Variants in OVCH1 observed in about 807,000 individuals in gnomAD.
The protein encoded by OVCH1 is ovochymase-1.
Under a neutral mutation model 138.4 loss-of-function variants are expected in OVCH1, and 139 were observed. The observed-to-expected ratio is 1.00, with a 90% CI of 0.87 to 1.16. The LOEUF is 1.16. OVCH1 is among the 50% of genes most tolerant of loss of function. The pLI is 0.00. For synonymous variants in OVCH1, 453 were observed against 467.8 expected (o/e 0.97, Z 0.41); for missense variants, 1,367 against 1,357.9 (o/e 1.01, Z -0.11).
intron 16 of OVCH1, among the ~76,000 whole-genome samples, chr12:29,466,574 G>C (rs1942328342): frequency 6.6e-6 from 1 of 152,158 alleles, no homozygotes; most frequent in Non-Finnish European, 1.5e-5. Context: ...TTAGAAATCA[G>C]AATGCTGATT....
exon 16 of OVCH1, chr12:29,471,815 G>A (rs755000892): frequency 3.1e-6 from 5 of 1,610,534 alleles, no homozygotes; most frequent in Non-Finnish European, 4.2e-6. Flanking sequence ...TGCACACAGT[G>A]GGCTGCGGTC....
chr12:29,484,739 G>C (rs1388690068), intron 8 of OVCH1, among the ~76,000 whole-genome samples: 1 of 152,174 alleles, frequency 6.6e-6, no homozygotes, highest in Non-Finnish European at 1.5e-5. Context: ...AGTCTCCTTT[G>C]GAATGGGGGT....
At chr12:29,404,252 C>T in the OVCH1 span, among the ~76,000 whole-genome samples, 1 of 152,344 alleles carries the variant, frequency 6.6e-6, no homozygotes, top group East Asian at 1.9e-4. Flanking sequence ...AGTGGGATGG[C>T]AGTGACTGCT....
intron 23 of OVCH1, among the ~76,000 whole-genome samples, chr12:29,444,902 A>T (rs1941573668): frequency 6.6e-6 from 1 of 152,104 alleles, no homozygotes; most frequent in Non-Finnish European, 1.5e-5. Flanking sequence ...CTAATCAGAG[A>T]TAATAAATTG....
At chr12:29,432,866 G>C (rs1941294057) in intron 27 of OVCH1, among the ~76,000 whole-genome samples, 1 of 152,116 alleles carries the variant, frequency 6.6e-6, no homozygotes, top group Non-Finnish European at 1.5e-5. Context: ...AGGAGGGAGA[G>C]CTCGTCTGTG....
chr12:29,486,567 G>A (rs767455391), intron 7 of OVCH1, among the ~76,000 whole-genome samples: 29 of 152,088 alleles, frequency 1.9e-4, no homozygotes, highest in Admixed American at 3.9e-4. Flanking sequence ...GGTTAGTGTG[G>A]TTTTAAAAAT....
At chr12:29,488,817 T>C (rs1032367048) in intron 6 of OVCH1, among the ~76,000 whole-genome samples, 1 of 152,026 alleles carries the variant, frequency 6.6e-6, no homozygotes, top group Non-Finnish European at 1.5e-5. Context: ...CAAAAAAGGA[T>C]TGCCTGTAAT....
intron 21 of OVCH1, among the ~76,000 whole-genome samples, chr12:29,454,435 TCAAA>T (rs764111017): frequency 6.6e-6 from 1 of 152,162 alleles, no homozygotes; most frequent in Admixed American, 6.6e-5. Context: ...TCCTCTTTTA[TCAAA>T]CAGAGAGTGG....
chr12:29,444,072 T>A (rs1042642421), intron 24 of OVCH1, 73 bp downstream of exon 24: 1 of 1,461,038 alleles, frequency 6.8e-7, no homozygotes, highest in African/African-American at 1.4e-5. Flanking sequence ...TTTAAGCAAG[T>A]ACCAAGTGTT....
In OVCH1 at chr12:29,460,642, T is replaced by C. The variant is rs138602113; in HGVS notation, c.2280+1212A>G. Among the ~76,000 whole-genome samples, 428 of 152,172 alleles carry C rather than the reference T, an allele frequency of 2.8e-3. 4 individuals are homozygous for C. Among genetic ancestry groups the C allele is most frequent in the African/African-American group, 9.7e-3 (402 of 41,516 alleles). On this transcript the variant is annotated intron_variant, in intron 19 of 27. Coordinates refer to ENST00000318184, the Ensembl canonical transcript of OVCH1. ...TATCCCAGCTCCCTCGCTCCTCAGA[T>C]GGATAAATTCACCACGTGTATTTAG...
chr12:29,406,566 T>G, the OVCH1 span, among the ~76,000 whole-genome samples: 3 of 151,974 alleles, frequency 2.0e-5, no homozygotes. Context: ...TTTGGTTTTT[T>G]GTTCTTGTGA....
At chr12:29,415,992 T>C (rs1315559484) in intron 3 of OVCH1, among the ~76,000 whole-genome samples, 1 of 151,158 alleles carries the variant, frequency 6.6e-6, no homozygotes, top group African/African-American at 2.4e-5. Flanking sequence ...TACACAAATA[T>C]GCTCACTTTA....
rs371810818 is a variant in OVCH1, at chr12:29,483,983, T to C, written c.995+2263A>G. ...GGTATGGATTATAAAGCTTATTTCCTCTTGTAGTATAGTTATTTTTGTCTA... is the reference window on the plus strand; with the variant it reads ...GGTATGGATTATAAAGCTTATTTCCCCTTGTAGTATAGTTATTTTTGTCTA... On this transcript the variant is annotated intron_variant, in intron 8 of 27. Transcript: ENST00000318184. Among the ~76,000 whole-genome samples, 11 of 152,324 alleles carry C rather than the reference T, an allele frequency of 7.2e-5. No homozygotes were observed. In the East Asian group the frequency reaches 2.1e-3, roughly 29 times the overall value.
At chr12:29,465,075 G>T in intron 17 of OVCH1, 72 bp downstream of exon 17, 1 of 1,283,874 alleles carries the variant, frequency 7.8e-7, no homozygotes, top group Non-Finnish European at 1.1e-6. Context: ...ACATATTTTA[G>T]CTAAAGGTAT....
At chr12:29,468,794 T>C (rs1942403683) in intron 16 of OVCH1, among the ~76,000 whole-genome samples, 1 of 152,140 alleles carries the variant, frequency 6.6e-6, no homozygotes, top group South Asian at 2.1e-4. Context: ...TTTATATACA[T>C]GGGTGAGTAT....
chr12:29,494,082 T>C (rs1043780230), intron 4 of OVCH1, among the ~76,000 whole-genome samples: 4 of 152,224 alleles, frequency 2.6e-5, no homozygotes, highest in Admixed American at 2.6e-4. Context: ...CAGATTCTTC[T>C]GAGAACCCTC....
intron 8 of OVCH1, among the ~76,000 whole-genome samples, chr12:29,482,201 A>G (rs1292984277): frequency 6.6e-6 from 1 of 152,158 alleles, no homozygotes; most frequent in Non-Finnish European, 1.5e-5. Context: ...GCCCCTCTCC[A>G]GCCACTCAAC....
downstream of OVCH1, among the ~76,000 whole-genome samples, chr12:29,411,461 G>T (rs1449940759): frequency 1.3e-5 from 2 of 151,848 alleles, no homozygotes; most frequent in African/African-American, 2.4e-5. Flanking sequence ...TTGATGATGG[G>T]GATGTACAGA....
At chr12:29,416,317 T>C (rs1335598171) in intron 3 of OVCH1, among the ~76,000 whole-genome samples, 2 of 152,062 alleles carry the variant, frequency 1.3e-5, no homozygotes, top group African/African-American at 4.8e-5. Context: ...CAATTGGACT[T>C]CATCTAAATT....
Sources: allele counts gnomAD v4.1 joint callset (sites outside exome capture counted in the v4.1 genomes callset), GRCh38; gene constraint gnomAD v4.1.1; transcripts MANE v1.5; gene names NCBI Gene and HGNC (gene_info 2026-07-23, HGNC 2026-07-21).